The following NDUFV1 variants were observed in gnomAD, a reference collection of about 807,000 sequenced individuals.
The protein encoded by NDUFV1 is NADH dehydrogenase [ubiquinone] flavoprotein 1, mitochondrial.
A neutral mutation model predicts 48.7 loss-of-function variants in NDUFV1; 41 were observed. That is an observed-to-expected ratio of 0.84 (90% CI 0.66 to 1.09). The LOEUF is 1.09. Ranked by LOEUF, NDUFV1 falls within the 50% of genes least tolerant of loss-of-function variation. NDUFV1 has a pLI of 0.00. For missense variants in NDUFV1, 580 were observed against 645.4 expected, an observed-to-expected ratio of 0.90 and a Z score of 1.10; for synonymous variants, 231 against 259.1, an observed-to-expected ratio of 0.89 and a Z score of 1.04.
At position 67,610,487 on chromosome 11, in the gene NDUFV1, G is replaced by C. The variant is rs863224120; in HGVS notation, c.617G>C (p.Cys206Ser). 1.2e-6 allele frequency: 2 copies of C among 1,614,102 alleles called. No homozygotes were observed. Among genetic ancestry groups the C allele is most frequent in the South Asian group, 1.1e-5 (1 of 91,082 alleles). The part of the protein sequence containing the change: ...FVVRGAGAYI[C>S]GEETALIESI... ...GTGCGCGGGGCTGGGGCCTACATCT[G>C]TGGAGAGGAGACAGCGCTCATCGAG... Residue 206 changes from cysteine to serine, a missense_variant, in exon 5 of 10, where the codon TGT becomes TCT. Transcript: ENST00000322776.
At chr11:67,607,817 C>T (rs367823630) in intron 1 of NDUFV1, among the ~76,000 whole-genome samples, 12 of 152,324 alleles carry the variant, frequency 7.9e-5, no homozygotes, top group African/African-American at 2.9e-4. Flanking sequence ...TCCTTTTGCT[C>T]CAAGCCTCAG....
chr11:67,610,598 A>T (rs1418719669), intron 5 of NDUFV1, 28 bp downstream of exon 5: 1 of 1,612,404 alleles, frequency 6.2e-7, no homozygotes, highest in East Asian at 2.2e-5. Flanking sequence ...CCTGGGTCAG[A>T]CTGTGTCCTG....
At chr11:67,608,364 A>C (rs745973316) in intron 1 of NDUFV1, 32 bp from the exon 2 acceptor site, 3 of 1,584,392 alleles carry the variant, frequency 1.9e-6, no homozygotes, top group Non-Finnish European at 2.6e-6. Flanking sequence ...GCCCCAGAGC[A>C]CTCTGGGCCT....
Position 67,611,256 on chromosome 11 carries a change from G to C in NDUFV1, c.913+49G>C. The C allele has an allele frequency of 6.2e-7, 1 of 1,604,514 alleles. No homozygotes were observed. Among genetic ancestry groups the C allele is most frequent in the South Asian group, 1.1e-5 (1 of 90,798 alleles). On this transcript the variant is annotated intron_variant, in intron 6 of 9. Coordinates refer to ENST00000322776, the MANE Select transcript of NDUFV1 (RefSeq NM_007103.4). The surrounding 1 kb of genome is among the most constrained non-coding windows in gnomAD (Gnocchi z 4.2). ...GGTGGGGGGGTGCGCAGTGGGGGCA[G>C]GTGTCCACAAAGAGAGCCTGGGCGG...
Position 67,610,985 on chromosome 11 carries a change from T to G in NDUFV1, c.701-10T>G, listed in dbSNP as rs1416907213. The G allele has an allele frequency of 1.9e-6, 3 of 1,613,976 alleles. No individual in the cohort carries two copies. Among genetic ancestry groups the G allele is most frequent in the Non-Finnish European group, 2.5e-6 (3 of 1,179,970 alleles). ...TAGCAGCCACCAGTTCTCTTCCCAT[T>G]TCCCTGAAGGAGTGTTTGGCTGCCC... is the stretch of plus-strand genomic sequence containing the variant. On this transcript the variant is annotated splice_polypyrimidine_tract_variant and intron_variant, in intron 5 of 9. Coordinates refer to ENST00000322776, the MANE Select transcript of NDUFV1 (RefSeq NM_007103.4).
In NDUFV1 at chr11:67,606,955, C is replaced by T. The variant is rs754173471; in HGVS notation, c.-50C>T. On this transcript the variant is annotated 5_prime_UTR_variant, in exon 1 of 10. Coordinates refer to ENST00000322776, the MANE Select transcript of NDUFV1 (RefSeq NM_007103.4). The stretch of plus-strand genomic sequence containing the variant: ...GTCTCTATCGCGCCAGTTCCTCAGC[C>T]TCAGTGCTATGAAGGTGACAGCGTG... 1.9e-6 allele frequency: 3 copies of T among 1,582,624 alleles called. No homozygotes were observed. The highest frequency in any genetic ancestry group is 1.8e-5 in the Admixed American group (1 of 55,390).
In NDUFV1 at chr11:67,611,907, T is replaced by C; in HGVS notation, c.1091T>C (p.Val364Ala). 1 of 1,614,006 alleles carries C rather than the reference T, an allele frequency of 6.2e-7. No individual in the cohort carries two copies. Among genetic ancestry groups the C allele is most frequent in the Non-Finnish European group, 8.5e-7 (1 of 1,179,978 alleles). ...VIVMDRSTDI[V>A]KAIARLIEFY... ...CCCCTCGTCACCCAGACGGACATCG[T>C]GAAAGCCATCGCCCGCCTCATTGAG... The change falls in exon 8 of 10, where the codon GTG becomes GCG. Residue 364 changes from valine to alanine, a missense_variant. Val to Ala is a moderately conservative substitution (Grantham distance 64). Transcript: ENST00000322776. This position sits in a 1 kb window ranked among gnomAD's most constrained non-coding sequence, Gnocchi z 4.2.
chr11:67,608,946 C>T, intron 3 of NDUFV1, among the ~76,000 whole-genome samples: 1 of 152,194 alleles, frequency 6.6e-6, no homozygotes, highest in Admixed American at 6.5e-5. Flanking sequence ...TAGTTCAAAT[C>T]CTAGCTCTGC....
chr11:67,608,442 G>A lies in NDUFV1; in HGVS notation c.119G>A (p.Arg40Gln), dbSNP rs141502688. 3.0e-5 allele frequency: 49 copies of A among 1,614,020 alleles called. No homozygotes were observed. In the Admixed American group the frequency reaches 4.2e-4, roughly 14 times the overall value. The change falls in exon 2 of 10, where the codon CGG becomes CAG. Residue 40 changes from arginine (R) to glutamine (Q), a missense_variant. By Grantham distance (43) the Arg-to-Gln change is conservative (BLOSUM62 1). Transcript: ENST00000322776. ...TSFGSLKDED[R>Q]IFTNLYGRHD... is the part of the protein sequence containing the mutation. ...TTTGGCTCGCTGAAGGATGAAGACC[G>A]GATTTTCACCAACCTGTACGGCCGC...
In NDUFV1 at chr11:67,609,461, T is replaced by G. The variant is rs1591109810; in HGVS notation, c.336T>G (p.Tyr112Ter). 1 of 1,613,460 alleles carries G rather than the reference T, an allele frequency of 6.2e-7. No homozygotes were observed. Among genetic ancestry groups the G allele is most frequent in the Non-Finnish European group, 8.5e-7 (1 of 1,179,884 alleles). The part of the protein sequence containing the change: ...MNKPSDGRPK[Y>*]LVVNADEGEP... ...CTGTGGGCCCCTGCAGGCCCAAGTATCTGGTGGTGAACGCAGACGAGGGGG... is the reference window on the plus strand; with the variant it reads ...CTGTGGGCCCCTGCAGGCCCAAGTAGCTGGTGGTGAACGCAGACGAGGGGG... Residue 112 changes from tyrosine (Y) to a stop codon, truncating the protein, a stop_gained, in exon 4 of 10, where the codon TAT becomes TAG. Transcript: ENST00000322776. LOFTEE classifies it high-confidence loss of function.
In NDUFV1 at chr11:67,608,183, G is replaced by A. The variant is rs111396223; in HGVS notation, c.73-213G>A. The A allele has an allele frequency of 0.013, 7,848 of 591,284 alleles. 480 individuals carry two copies. Among genetic ancestry groups the A allele is most frequent in the African/African-American group, 0.13 (6,948 of 53,016 alleles). The allele number at this position is 591,284 out of a possible 1,614,324, so 36.6% of individuals were successfully genotyped here. ...GGAGTTTGCAGTGAGCTGAGATTAC[G>A]CCACTGCACTCCAGCCTAGGCAAAA... On this transcript the variant is annotated intron_variant, in intron 1 of 9. Transcript: ENST00000322776.
chr11:67,606,942 C>A lies in NDUFV1; in HGVS notation c.-63C>A, dbSNP rs1270196557. 1.3e-6 allele frequency: 2 copies of A among 1,552,020 alleles called. No homozygotes were observed. The highest frequency in any genetic ancestry group is 3.8e-5 in the Admixed American group (2 of 52,994). Reference sequence around the variant, plus strand: ...CGCGCCACCTAGCGTCTCTATCGCGCCAGTTCCTCAGCCTCAGTGCTATGA... The same window carrying A: ...CGCGCCACCTAGCGTCTCTATCGCGACAGTTCCTCAGCCTCAGTGCTATGA... On this transcript the variant is annotated 5_prime_UTR_variant, in exon 1 of 10. Coordinates refer to ENST00000322776, the MANE Select transcript of NDUFV1 (RefSeq NM_007103.4).
chr11:67,611,200 G>C lies in NDUFV1; in HGVS notation c.906G>C (p.Lys302Asn), dbSNP rs1302373378. 1.2e-6 allele frequency: 2 copies of C among 1,614,054 alleles called. No individual in the cohort carries two copies. The highest frequency in any genetic ancestry group is 1.7e-6 in the Non-Finnish European group (2 of 1,180,006). ...MSVPLKELIE[K>N]HAGGVTGGWD... The stretch of plus-strand genomic sequence containing the variant: ...TGCCCTTGAAAGAACTGATTGAGAA[G>C]CATGCTGGTAAGGCCTGGGGCCAGC... Residue 302 changes from lysine to asparagine, a missense_variant, in exon 6 of 10, where the codon AAG becomes AAC. Lys to Asn is a moderately conservative substitution (Grantham distance 94). Coordinates refer to ENST00000322776, the MANE Select transcript of NDUFV1 (RefSeq NM_007103.4). This position sits in a 1 kb window ranked among gnomAD's most constrained non-coding sequence, Gnocchi z 4.2.
At chr11:67,607,700 C>T in intron 1 of NDUFV1, 1 of 351,542 alleles carries the variant, frequency 2.8e-6, no homozygotes, top group South Asian at 2.1e-5. Flanking sequence ...CTGCCACACT[C>T]GGCTTGTGGG....
intron 5 of NDUFV1, 156 bp downstream of exon 5, chr11:67,610,726 C>T (rs763921024): frequency 1.1e-5 from 12 of 1,055,356 alleles, no homozygotes; most frequent in South Asian, 2.8e-5. Context: ...CCCCCAGGGC[C>T]GCCTGCTGTC....
rs184136353 is a variant in NDUFV1, at chr11:67,608,734, G to A, written c.326+12G>A. 3.0e-3 allele frequency: 4,799 copies of A among 1,613,138 alleles called. 173 individuals are homozygous for A. The highest frequency in any genetic ancestry group is 2.4e-4 in the Non-Finnish European group (286 of 1,179,870). ...CCCTCAGATGGCAGGTGTGTGTGTGGGGGCGGGGCAGATGTGGCTGTGGGA... is the reference window on the plus strand; with the variant it reads ...CCCTCAGATGGCAGGTGTGTGTGTGAGGGCGGGGCAGATGTGGCTGTGGGA... On this transcript the variant is annotated intron_variant, in intron 3 of 9. Coordinates refer to ENST00000322776, the MANE Select transcript of NDUFV1 (RefSeq NM_007103.4).
At chr11:67,608,246 T>A (rs990833323) in intron 1 of NDUFV1, 150 bp from the exon 2 acceptor site, 11 of 743,596 alleles carry the variant, frequency 1.5e-5, no homozygotes, top group Non-Finnish European at 2.6e-5. Context: ...AAATGCTTAC[T>A]AAGTGGCAGT....
chr11:67,607,188 C>A, intron 1 of NDUFV1, 112 bp downstream of exon 1: 1 of 1,251,514 alleles, frequency 8.0e-7, no homozygotes, highest in Non-Finnish European at 1.1e-6. Context: ...CCCTTCTCCC[C>A]AGGCCAGGCG....
chr11:67,609,332 T>C (rs1395362407), intron 3 of NDUFV1, 120 bp from the exon 4 acceptor site: 12 of 1,022,556 alleles, frequency 1.2e-5, no homozygotes, highest in Non-Finnish European at 1.8e-5. Flanking sequence ...GGGAGGGCAG[T>C]AAAGGATTGG....
Sources: allele counts gnomAD v4.1 joint callset (sites outside exome capture counted in the v4.1 genomes callset), GRCh38; gene constraint gnomAD v4.1.1; non-coding constraint Gnocchi (gnomAD v3.1); transcripts MANE v1.5; gene names NCBI Gene and HGNC (gene_info 2026-07-23, HGNC 2026-07-21).